The following FYB2 variants were observed in gnomAD, a reference collection of about 807,000 sequenced individuals.
The protein encoded by FYB2 is FYN binding protein 2.
A neutral mutation model predicts 94.1 loss-of-function variants in FYB2; 103 were observed. The ratio of observed to expected loss-of-function variants is 1.09; its 90% CI spans 0.93 to 1.29. The LOEUF (loss-of-function observed/expected upper bound fraction) is 1.29. FYB2 is among the 50% of genes most tolerant of loss of function. The pLI, the probability that FYB2 is intolerant of heterozygous loss-of-function variation, is 0.00. For synonymous variants in FYB2, 293 were observed against 287.9 expected, an observed-to-expected ratio of 1.02 and a Z score of -0.18; for missense variants, 896 against 841.5, an observed-to-expected ratio of 1.06 and a Z score of -0.80.
chr1:56,729,274 T>C (rs1207447821), intron 15 of FYB2, among the ~76,000 whole-genome samples: 1 of 152,138 alleles, frequency 6.6e-6, no homozygotes, highest in Non-Finnish European at 1.5e-5. Context: ...TGTAGTAATC[T>C]GGTTGAGAAA....
chr1:56,737,131 T>G lies in FYB2; in HGVS notation c.1749A>C (p.Glu583Asp). The change falls in exon 15 of 20, where the codon GAA becomes GAC. Residue 583 changes from glutamate (E) to aspartate (D), a missense_variant. Coordinates refer to ENST00000343433, the MANE Select transcript of FYB2 (RefSeq NM_001004303.5). The part of the protein sequence containing the change: ...LLPDLELKSQ[E>D]VIIYDDVDLS... ...GGTCTACATCATCATAAATAATAAC[T>G]TCCTGAGACTTAAGTTCTAGGGTCA... 2 of 1,606,058 alleles carry G rather than the reference T, an allele frequency of 1.2e-6. No homozygotes were observed.
At chr1:56,808,429 TA>T (rs1646693859) in intron 1 of FYB2, among the ~76,000 whole-genome samples, 1 of 152,234 alleles carries the variant, frequency 6.6e-6, no homozygotes, top group Admixed American at 6.5e-5. Context: ...TTCTGCTTTC[TA>T]AATATGTATT....
Position 56,726,516 on chromosome 1 carries a change from C to T in FYB2, c.1861G>A (p.Gly621Ser), listed in dbSNP as rs377674429. ...TCCCACCTTTCTGATTCTTCAGCAC[C>T]GTTTTTCTCTTTTTTTTCCTTTGGT... is the stretch of plus-strand genomic sequence containing the variant. ...LTPKEKKEKN[G>S]AEESESFSPR... The change falls in exon 16 of 20, where the codon GGT becomes AGT. Residue 621 changes from glycine to serine, a missense_variant. Physicochemically the swap from Gly to Ser is moderately conservative, Grantham distance 56 (BLOSUM62 0). Transcript: ENST00000343433. 5.0e-5 allele frequency: 81 copies of T among 1,611,794 alleles called. No individual in the cohort carries two copies. The highest frequency in any genetic ancestry group is 1.7e-4 in the Middle Eastern group (1 of 6,056).
At chr1:56,756,601 T>A (rs999022070) in intron 6 of FYB2, among the ~76,000 whole-genome samples, 2 of 152,178 alleles carry the variant, frequency 1.3e-5, no homozygotes, top group Non-Finnish European at 2.9e-5. Context: ...CAGAGACTAT[T>A]GGTTCTTATT....
intron 9 of FYB2, among the ~76,000 whole-genome samples, chr1:56,745,027 T>C (rs1016986042): frequency 3.9e-5 from 6 of 152,066 alleles, no homozygotes; most frequent in Non-Finnish European, 8.8e-5. Flanking sequence ...TTTTATCCTC[T>C]GACAAGAAGT....
At chr1:56,811,246 C>A (rs1362431613) in intron 1 of FYB2, among the ~76,000 whole-genome samples, 2 of 152,166 alleles carry the variant, frequency 1.3e-5, no homozygotes, top group South Asian at 2.1e-4. Context: ...ACGAGTTTCT[C>A]TCTCTCAGAA....
intron 1 of FYB2, among the ~76,000 whole-genome samples, chr1:56,797,467 G>T (rs1646426313): frequency 6.6e-6 from 1 of 152,032 alleles, no homozygotes; most frequent in Admixed American, 6.5e-5. Flanking sequence ...CCTTTCTTGT[G>T]AGCCTTCCCC....
intron 5 of FYB2, among the ~76,000 whole-genome samples, chr1:56,766,335 TC>T (rs1359287925): frequency 6.6e-6 from 1 of 152,186 alleles, no homozygotes; most frequent in African/African-American, 2.4e-5. Context: ...GAGTTGCTCT[TC>T]CTATGGCTAG....
In FYB2 at chr1:56,742,191, T is replaced by C. The variant is rs377258165; in HGVS notation, c.1574A>G (p.Tyr525Cys). The C allele has an allele frequency of 3.1e-6, 5 of 1,605,992 alleles. No homozygotes were observed. The South Asian group carries it at 3.3e-5, about 11-fold the overall frequency. Residue 525 changes from tyrosine (Y) to cysteine (C), a missense_variant, in exon 12 of 20, where the codon TAC becomes TGC. Coordinates refer to ENST00000343433, the MANE Select transcript of FYB2 (RefSeq NM_001004303.5). ...CTTTGGGTAGTTGTTCTTTGTTTTG[T>C]AGACATCTTCATACAGTTCTCTATT... Reference protein sequence around the residue: ...EENRELYEDVYKTKNNYPKID... With the variant: ...EENRELYEDVCKTKNNYPKID...
chr1:56,720,577 C>A (rs2100468327), intron 17 of FYB2: 1 of 284,030 alleles, frequency 3.5e-6, no homozygotes, highest in East Asian at 6.6e-5. Flanking sequence ...GTTTTCACAA[C>A]CATTATTATT....
chr1:56,817,733 C>T lies in FYB2; in HGVS notation c.9+1549G>A, dbSNP rs562491949. Among the ~76,000 whole-genome samples, 113 of 152,216 alleles carry T rather than the reference C, an allele frequency of 7.4e-4. 2 individuals carry two copies. The highest frequency in any genetic ancestry group is 2.5e-3 in the Admixed American group (38 of 15,290). Reference sequence around the variant, plus strand: ...CTTATTTCTCTCTTGATTTTTTTCTCTCTCTGAGCAGTGAAAGTTATATAA... The same window carrying T: ...CTTATTTCTCTCTTGATTTTTTTCTTTCTCTGAGCAGTGAAAGTTATATAA... On this transcript the variant is annotated intron_variant, in intron 1 of 19. Coordinates refer to ENST00000343433, the MANE Select transcript of FYB2 (RefSeq NM_001004303.5).
Position 56,728,661 on chromosome 1 carries a change from T to C in FYB2, c.1794-2078A>G, listed in dbSNP as rs140454347. On this transcript the variant is annotated intron_variant, in intron 15 of 19. Transcript: ENST00000343433. ...GCAAAGTGTGTTACAGGTAGAACTATTCTTTTCTTCTTAAATTATCACCTT... is the reference window on the plus strand; with the variant it reads ...GCAAAGTGTGTTACAGGTAGAACTACTCTTTTCTTCTTAAATTATCACCTT... Among the ~76,000 whole-genome samples the C allele has an allele frequency of 9.4e-3, 1,428 of 152,244 alleles. 27 individuals are homozygous for C. The highest frequency in any genetic ancestry group is 0.033 in the African/African-American group (1,361 of 41,552).
chr1:56,813,348 G>T (rs1187063105), intron 1 of FYB2, among the ~76,000 whole-genome samples: 1 of 152,164 alleles, frequency 6.6e-6, no homozygotes, highest in African/African-American at 2.4e-5. Flanking sequence ...AAGGGAAAAG[G>T]CATGTCCTAC....
chr1:56,789,073 G>A lies in FYB2; in HGVS notation c.819C>T (p.Asp273=), dbSNP rs1006966189. Residue 273 remains aspartate, a synonymous_variant, in exon 3 of 20, where the codon GAC becomes GAT. Coordinates refer to ENST00000343433, the MANE Select transcript of FYB2 (RefSeq NM_001004303.5). Reference sequence around the variant, plus strand: ...GCTTTGGGGGAGGAGGACCCAGGGAGTCGATGGAGGGCAATGGCTTTGTTT... The same window carrying A: ...GCTTTGGGGGAGGAGGACCCAGGGAATCGATGGAGGGCAATGGCTTTGTTT... The part of the protein sequence containing the change: ...LPKTKPLPSI[D]SLGPPPPKPS... The A allele has an allele frequency of 2.2e-5, 35 of 1,613,376 alleles. No individual in the cohort carries two copies. Among genetic ancestry groups the A allele is most frequent in the Non-Finnish European group, 2.9e-5 (34 of 1,179,640 alleles).
intron 5 of FYB2, among the ~76,000 whole-genome samples, chr1:56,762,315 T>C (rs1040582632): frequency 2.0e-4 from 31 of 152,176 alleles, no homozygotes; most frequent in Non-Finnish European, 1.3e-4. Context: ...TTTGAGATAA[T>C]TGACATTTTT....
chr1:56,744,065 G>T lies in FYB2; in HGVS notation c.1504C>A (p.Pro502Thr), dbSNP rs765361620. The change falls in exon 11 of 20, where the codon CCG becomes ACG. Residue 502 changes from proline to threonine, a missense_variant and splice_region_variant. Transcript: ENST00000343433. ...AGTGAGCTAGAGTAGTTCAGCTTCG[G>T]TCTATGGGAGAAAATAACAAAGACC... is the stretch of plus-strand genomic sequence containing the variant. ...DDVEYSRKEVPKLNYSSSLAS... is the reference protein window; with the variant it reads ...DDVEYSRKEVTKLNYSSSLAS... 1.2e-6 allele frequency: 2 copies of T among 1,612,516 alleles called. No individual in the cohort carries two copies. The highest frequency in any genetic ancestry group is 2.2e-5 in the South Asian group (2 of 91,038).
Position 56,759,775 on chromosome 1 carries a change from A to T in FYB2, c.1064-1025T>A, listed in dbSNP as rs1013903434. 3.3e-5 allele frequency among the ~76,000 whole-genome samples: 5 copies of T among 152,040 alleles called. No homozygotes were observed. In the East Asian group the frequency reaches 9.6e-4, roughly 29 times the overall value. On this transcript the variant is annotated intron_variant, in intron 5 of 19. Transcript: ENST00000343433. ...CCTGCCTTACAGAGTTAATGGGGAG[A>T]TTCAAGGAAATAATTTAAGAAATTT... is the stretch of plus-strand genomic sequence containing the variant.
chr1:56,750,215 G>A (rs923859618), intron 9 of FYB2, among the ~76,000 whole-genome samples: 10 of 151,994 alleles, frequency 6.6e-5, no homozygotes, highest in African/African-American at 2.4e-4. Flanking sequence ...AAGACTAATA[G>A]TTACTTAATA....
At chr1:56,821,919 C>T (rs1646995180), upstream of FYB2, among the ~76,000 whole-genome samples, 2 of 152,080 alleles carry the variant, frequency 1.3e-5, no homozygotes, top group Non-Finnish European at 2.9e-5. Context: ...GAAGGTTGAC[C>T]TAAGTTGCAA....
Sources: allele counts gnomAD v4.1 joint callset (sites outside exome capture counted in the v4.1 genomes callset), GRCh38; gene constraint gnomAD v4.1.1; transcripts MANE v1.5; gene names NCBI Gene and HGNC (gene_info 2026-07-23, HGNC 2026-07-21).